EXT1: variants seen among roughly 807,000 people sequenced by gnomAD.
EXT1 encodes exostosin glycosyltransferase 1, also known as exostosin-1.
A neutral mutation model predicts 82.5 loss-of-function variants in EXT1; 20 were observed. That is an observed-to-expected ratio of 0.24 (90% CI 0.17 to 0.35). The LOEUF (loss-of-function observed/expected upper bound fraction) is 0.35. EXT1 is among the 10% of genes least tolerant of loss of function. The pLI is 1.00. For missense variants in EXT1, 757 were observed against 936.5 expected (o/e 0.81, Z 2.50); for synonymous variants, 348 against 350.8 (o/e 0.99, Z 0.09).
chr8:117,975,356 C>T (rs1815042285), intron 1 of EXT1, among the ~76,000 whole-genome samples: 1 of 152,102 alleles, frequency 6.6e-6, no homozygotes, highest in Non-Finnish European at 1.5e-5. Context: ...GGCAATAACA[C>T]CATCAATGGA....
At chr8:117,963,421 C>G (rs1409105195) in intron 1 of EXT1, among the ~76,000 whole-genome samples, 1 of 152,128 alleles carries the variant, frequency 6.6e-6, no homozygotes. Flanking sequence ...CTCTGAGTCT[C>G]TTCTTTGGCC....
chr8:117,892,417 T>TTGC (rs925705401), intron 1 of EXT1, among the ~76,000 whole-genome samples: 31 of 152,084 alleles, frequency 2.0e-4, no homozygotes, highest in East Asian at 5.8e-4. Context: ...ACTTCTACTA[T>TTGC]TGCTGCTGCT....
At chr8:118,024,406 T>TCATA (rs746158774) in intron 1 of EXT1, among the ~76,000 whole-genome samples, 15 of 152,154 alleles carry the variant, frequency 9.9e-5, no homozygotes, top group Admixed American at 9.2e-4. Context: ...AGTTTCTACA[T>TCATA]CATACATTCA....
chr8:117,807,456 T>A, intron 8 of EXT1, 79 bp from the exon 9 acceptor site: 1 of 1,522,312 alleles, frequency 6.6e-7, no homozygotes, highest in Non-Finnish European at 9.1e-7. Flanking sequence ...TCCCCACTAA[T>A]TCATAATGCA....
intron 10 of EXT1, among the ~76,000 whole-genome samples, chr8:117,802,228 T>C (rs1198221870): frequency 1.3e-4 from 20 of 152,210 alleles, no homozygotes; most frequent in Admixed American, 1.3e-3. Context: ...TAGGCTAATC[T>C]ATGAAAATAG....
chr8:118,001,369 G>C (rs1815661229), intron 1 of EXT1, among the ~76,000 whole-genome samples: 1 of 152,194 alleles, frequency 6.6e-6, no homozygotes, highest in East Asian at 1.9e-4. Context: ...ATTTTTAGTA[G>C]AGACGGGGTT....
intron 1 of EXT1, among the ~76,000 whole-genome samples, chr8:118,094,716 C>G (rs1161729163): frequency 6.6e-6 from 1 of 152,206 alleles, no homozygotes; most frequent in Non-Finnish European, 1.5e-5. Flanking sequence ...TAGCTAGTGA[C>G]AGAGTCACCA....
At chr8:117,973,921 G>A (rs1815010076) in intron 1 of EXT1, among the ~76,000 whole-genome samples, 2 of 143,610 alleles carry the variant, frequency 1.4e-5, no homozygotes, top group African/African-American at 5.3e-5. Context: ...AGGGAAGAAA[G>A]GCAGAAAGCA....
At chr8:117,911,560 A>AAGAGCT (rs1364600049) in intron 1 of EXT1, among the ~76,000 whole-genome samples, 1 of 152,194 alleles carries the variant, frequency 6.6e-6, no homozygotes, top group Non-Finnish European at 1.5e-5. Context: ...AAGGCAAGTC[A>AAGAGCT]AGAGCTAAGG....
At chr8:117,968,553 A>ATTTTTTTTTTTTTTTTTTT (rs1182180428) in intron 1 of EXT1, among the ~76,000 whole-genome samples, 11 of 9,282 alleles carry the variant, frequency 1.2e-3, no homozygotes, top group Admixed American at 5.1e-3. Flanking sequence ...TTATTTATTT[A>ATTTTTTTTTTTTTTTTTTT]TTTTTTTTTT....
chr8:117,992,086 T>C (rs1815446269), intron 1 of EXT1, among the ~76,000 whole-genome samples: 1 of 152,234 alleles, frequency 6.6e-6, no homozygotes, highest in Admixed American at 6.5e-5. Context: ...GCACACAACT[T>C]TTGGCAAAGA....
At chr8:117,847,095 G>A (rs986481190) in intron 1 of EXT1, among the ~76,000 whole-genome samples, 2 of 152,096 alleles carry the variant, frequency 1.3e-5, no homozygotes, top group African/African-American at 4.8e-5. Context: ...CTTAAGGGCC[G>A]GCCTACTGTA....
chr8:118,048,469 T>C lies in EXT1; in HGVS notation c.962+61616A>G, dbSNP rs1321907139. ...TGTTTATTTGTTGTTGTTGTTAATT[T>C]TATTTTAACCCTCCCTTTCCAAAAA... On this transcript the variant is annotated intron_variant, in intron 1 of 10. Transcript: ENST00000378204. Among the ~76,000 whole-genome samples the C allele has an allele frequency of 2.6e-5, 4 of 152,214 alleles. No homozygotes were observed. In the East Asian group the frequency reaches 7.7e-4, roughly 29 times the overall value.
chr8:117,953,634 A>G (rs143744722), intron 1 of EXT1, among the ~76,000 whole-genome samples: 1 of 152,000 alleles, frequency 6.6e-6, no homozygotes, highest in Admixed American at 6.6e-5. Context: ...TTCAGATTAG[A>G]GTGTGTTATG....
At chr8:117,956,404 T>A (rs1473274770) in intron 1 of EXT1, among the ~76,000 whole-genome samples, 3 of 152,178 alleles carry the variant, frequency 2.0e-5, no homozygotes, top group African/African-American at 7.2e-5. Context: ...CAAGGAAGTA[T>A]TTCAACATAG....
chr8:118,038,398 G>C (rs1450066188), intron 1 of EXT1, among the ~76,000 whole-genome samples: 1 of 152,188 alleles, frequency 6.6e-6, no homozygotes, highest in Non-Finnish European at 1.5e-5. Context: ...CTGTCCCAGT[G>C]ACTGTGCAGA....
chr8:118,088,952 C>T (rs1817476382), intron 1 of EXT1, among the ~76,000 whole-genome samples: 1 of 152,192 alleles, frequency 6.6e-6, no homozygotes, highest in South Asian at 2.1e-4. Flanking sequence ...TCACACCCCA[C>T]CTTCCGCTAC....
chr8:118,025,183 A>G (rs889249366), intron 1 of EXT1, among the ~76,000 whole-genome samples: 3 of 152,184 alleles, frequency 2.0e-5, no homozygotes, highest in African/African-American at 4.8e-5. Context: ...TCTCTGACCT[A>G]GAAAGAGACA....
At chr8:118,078,250 G>A (rs1489821537) in intron 1 of EXT1, among the ~76,000 whole-genome samples, 3 of 152,058 alleles carry the variant, frequency 2.0e-5, no homozygotes, top group Non-Finnish European at 4.4e-5. Flanking sequence ...CCAGGTTGGC[G>A]TGCAGTGGCA....
Sources: gnomAD v4.1 joint callset for allele counts (sites outside exome capture counted in the v4.1 genomes callset) on GRCh38, gnomAD v4.1.1 for gene constraint, MANE v1.5 for transcripts, NCBI Gene and HGNC (gene_info 2026-07-23, HGNC 2026-07-21) for gene names.